Variants in SUMF1 observed in about 807,000 individuals in gnomAD.
The protein encoded by SUMF1 is formylglycine-generating enzyme.
SUMF1 carries 48 observed loss-of-function variants against 47.6 expected under a neutral mutation model. That is an observed-to-expected ratio of 1.01 (90% CI 0.80 to 1.28). SUMF1 has a LOEUF of 1.28. Ranked by LOEUF, SUMF1 falls within the 50% of genes most tolerant of loss-of-function variation. The pLI is 0.00. For missense variants in SUMF1, 571 were observed against 485.4 expected (o/e 1.18, Z -1.66); for synonymous variants, 230 against 192.1 (o/e 1.20, Z -1.63).
intron 8 of SUMF1, among the ~76,000 whole-genome samples, chr3:4,110,330 C>T (rs1366075462): frequency 6.6e-6 from 1 of 152,074 alleles, no homozygotes; most frequent in Non-Finnish European, 1.5e-5. Context: ...ATCAGTCTGC[C>T]ACTACTGGGG....
intron 8 of SUMF1, chr3:4,303,938 A>G: frequency 8.9e-7 from 1 of 1,129,904 alleles, no homozygotes; most frequent in Non-Finnish European, 1.1e-6. Context: ...CCCTCGAGTC[A>G]GCCTTAGCTG....
At chr3:4,270,107 G>A (rs191055945) in intron 8 of SUMF1, among the ~76,000 whole-genome samples, 58 of 152,172 alleles carry the variant, frequency 3.8e-4, no homozygotes, top group African/African-American at 1.2e-3. Context: ...ATTTACCCAC[G>A]GTTCAGGAGG....
chr3:4,400,970 C>T (rs1169807391), intron 7 of SUMF1, among the ~76,000 whole-genome samples: 1 of 118,182 alleles, frequency 8.5e-6, no homozygotes, highest in Non-Finnish European at 1.7e-5. Flanking sequence ...CCCCCTCCCC[C>T]CACCCCACAA....
intron 8 of SUMF1, among the ~76,000 whole-genome samples, chr3:4,355,325 C>T (rs865962875): frequency 5.9e-5 from 9 of 152,140 alleles, no homozygotes; most frequent in South Asian, 2.1e-4. Flanking sequence ...CCACTGCCCT[C>T]GGGCCTGGAT....
intron 8 of SUMF1, among the ~76,000 whole-genome samples, chr3:4,132,934 C>A (rs565198112): frequency 6.6e-6 from 1 of 152,082 alleles, no homozygotes; most frequent in East Asian, 1.9e-4. Flanking sequence ...CCAGGATGGA[C>A]GACAAATGGC....
In SUMF1 at chr3:4,417,215, C is replaced by T. The variant is rs755541573; in HGVS notation, c.753G>A (p.Gln251=). 6.2e-7 allele frequency: 1 copy of T among 1,613,996 alleles called. No homozygotes were observed. The highest frequency in any genetic ancestry group is 8.5e-7 in the Non-Finnish European group (1 of 1,179,926). Residue 251 remains glutamine, a synonymous_variant, in exon 6 of 9, where the codon CAG becomes CAA. Transcript: ENST00000272902. ...NRLFPWGNKL[Q]PKGQHYANIW... Reference sequence around the variant, plus strand: ...TGTTGGCATAATGCTGGCCTTTGGGCTGCAGTTTGTTGCCCCAGGGGAAAA... The same window carrying T: ...TGTTGGCATAATGCTGGCCTTTGGGTTGCAGTTTGTTGCCCCAGGGGAAAA...
At chr3:4,092,051 G>C (rs1039523953) in intron 8 of SUMF1, among the ~76,000 whole-genome samples, 1 of 151,964 alleles carries the variant, frequency 6.6e-6, no homozygotes, top group African/African-American at 2.4e-5. Context: ...TGCCTTGCTG[G>C]GTATCCTGGC....
At chr3:4,181,383 TAA>T (rs1310837150) in intron 8 of SUMF1, among the ~76,000 whole-genome samples, 1 of 152,066 alleles carries the variant, frequency 6.6e-6, no homozygotes, top group Non-Finnish European at 1.5e-5. Flanking sequence ...CATTCTTATT[TAA>T]AAGACTGCTT....
chr3:4,447,339 G>C (rs893335190), intron 3 of SUMF1, among the ~76,000 whole-genome samples: 1 of 152,168 alleles, frequency 6.6e-6, no homozygotes, highest in African/African-American at 2.4e-5. Flanking sequence ...TATGTTAAAA[G>C]GAGAGTAAAA....
chr3:4,356,479 T>A (rs1699620611), downstream of SUMF1, among the ~76,000 whole-genome samples: 1 of 152,122 alleles, frequency 6.6e-6, no homozygotes, highest in Non-Finnish European at 1.5e-5. Flanking sequence ...CTAGGCGAGA[T>A]GAGGTCCCTG....
intron 8 of SUMF1, among the ~76,000 whole-genome samples, chr3:4,151,415 A>G (rs1694323725): frequency 1.9e-5 from 2 of 102,996 alleles, no homozygotes; most frequent in East Asian, 2.1e-4. Context: ...GTATATATGT[A>G]TATATGTGTA....
chr3:4,368,878 A>G (rs1700076726), intron 8 of SUMF1, among the ~76,000 whole-genome samples: 1 of 152,156 alleles, frequency 6.6e-6, no homozygotes. Context: ...AATAAAAATA[A>G]ACTAGTCATC....
chr3:4,393,627 C>A (rs1476913168), intron 7 of SUMF1, among the ~76,000 whole-genome samples: 1 of 152,008 alleles, frequency 6.6e-6, no homozygotes, highest in African/African-American at 2.4e-5. Context: ...GCCACCATGA[C>A]TGGCCTTTTA....
At chr3:4,384,395 AC>A in intron 7 of SUMF1, among the ~76,000 whole-genome samples, 1 of 152,330 alleles carries the variant, frequency 6.6e-6, no homozygotes, top group Admixed American at 6.5e-5. Context: ...CAGGATGTTG[AC>A]ACTGACACAG....
intron 8 of SUMF1, among the ~76,000 whole-genome samples, chr3:4,343,601 C>A (rs897722561): frequency 6.6e-6 from 1 of 152,220 alleles, no homozygotes; most frequent in Non-Finnish European, 1.5e-5. Context: ...ACTATGCCTG[C>A]ACCCTACAGA....
At chr3:4,141,389 A>G (rs1694067249) in intron 8 of SUMF1, among the ~76,000 whole-genome samples, 1 of 152,156 alleles carries the variant, frequency 6.6e-6, no homozygotes, top group South Asian at 2.1e-4. Flanking sequence ...CTGACCAGAA[A>G]TGCAACCTAG....
At chr3:4,287,178 G>C (rs1282930000) in intron 8 of SUMF1, among the ~76,000 whole-genome samples, 2 of 151,992 alleles carry the variant, frequency 1.3e-5, no homozygotes, top group East Asian at 1.9e-4. Context: ...TTAAATACTG[G>C]TAGACAGAAC....
At chr3:4,239,343 G>T (rs1046791958) in intron 8 of SUMF1, among the ~76,000 whole-genome samples, 1 of 152,096 alleles carries the variant, frequency 6.6e-6, no homozygotes, top group Non-Finnish European at 1.5e-5. Context: ...GGATAGCATT[G>T]AATCTATAGA....
At chr3:4,396,752 T>C (rs538070872) in intron 7 of SUMF1, among the ~76,000 whole-genome samples, 1 of 152,188 alleles carries the variant, frequency 6.6e-6, no homozygotes, top group Non-Finnish European at 1.5e-5. Flanking sequence ...CCTCAAGTTT[T>C]ACAGCCTCTC....
Sources: gnomAD v4.1 joint callset for allele counts (sites outside exome capture counted in the v4.1 genomes callset) on GRCh38, gnomAD v4.1.1 for gene constraint, MANE v1.5 for transcripts, NCBI Gene and HGNC (gene_info 2026-07-23, HGNC 2026-07-21) for gene names.